CNTNAP2: variants seen among roughly 807,000 people sequenced by gnomAD.
The protein encoded by CNTNAP2 is contactin-associated protein-like 2.
Under a neutral mutation model 155.2 loss-of-function variants are expected in CNTNAP2, and 98 were observed. The ratio of observed to expected loss-of-function variants is 0.63; its 90% CI spans 0.54 to 0.75. The LOEUF is 0.75. Among genes scored for constraint, CNTNAP2 ranks in the 30% least tolerant of loss-of-function variants. The pLI, the probability that CNTNAP2 is intolerant of heterozygous loss-of-function variation, is 0.00. For missense variants in CNTNAP2, 1,727 were observed against 1,688.1 expected (o/e 1.02, Z -0.40); for synonymous variants, 651 against 631.2 (o/e 1.03, Z -0.47).
Position 147,509,337 on chromosome 7 carries a change from A to G in CNTNAP2, c.1777+23296A>G, listed in dbSNP as rs544573740. On this transcript the variant is annotated intron_variant, in intron 11 of 23. Coordinates refer to ENST00000361727, the MANE Select transcript of CNTNAP2 (RefSeq NM_014141.6). ...TCAAAAAATATCTTATTAACTTCTC[A>G]TACCAAAAAACAGGACAGGACTGAT... Among the ~76,000 whole-genome samples the G allele has an allele frequency of 2.7e-4, 41 of 152,344 alleles. 1 individual carries two copies. Among genetic ancestry groups the G allele is most frequent in the Middle Eastern group, 3.4e-3 (1 of 294 alleles).
chr7:147,723,981 C>T (rs2117030738), intron 13 of CNTNAP2, among the ~76,000 whole-genome samples: 1 of 152,014 alleles, frequency 6.6e-6, no homozygotes, highest in Non-Finnish European at 1.5e-5. Context: ...GTGATCTGCA[C>T]AGTGTATTTT....
chr7:146,323,341 A>G (rs577704421), intron 1 of CNTNAP2, among the ~76,000 whole-genome samples: 35 of 151,346 alleles, frequency 2.3e-4, no homozygotes, highest in South Asian at 1.1e-3. Flanking sequence ...AGAAAGTAAA[A>G]TCTTTGATCT....
chr7:147,513,293 C>T (rs1799053611), intron 11 of CNTNAP2, among the ~76,000 whole-genome samples: 1 of 151,876 alleles, frequency 6.6e-6, no homozygotes, highest in Non-Finnish European at 1.5e-5. Flanking sequence ...TGTCTAAATG[C>T]CCGAATGGAT....
chr7:147,338,118 G>A (rs1379578316), intron 9 of CNTNAP2, among the ~76,000 whole-genome samples: 1 of 152,122 alleles, frequency 6.6e-6, no homozygotes, highest in Non-Finnish European at 1.5e-5. Context: ...TCACAGTTCT[G>A]CATGGCTGGG....
At chr7:147,898,114 A>C (rs939488454) in intron 13 of CNTNAP2, among the ~76,000 whole-genome samples, 5 of 152,368 alleles carry the variant, frequency 3.3e-5, no homozygotes, top group African/African-American at 1.2e-4. Context: ...AGGGAAAATA[A>C]TAACTTCCAA....
At chr7:146,923,028 G>C (rs912356459) in intron 3 of CNTNAP2, among the ~76,000 whole-genome samples, 3 of 152,168 alleles carry the variant, frequency 2.0e-5, no homozygotes, top group Non-Finnish European at 4.4e-5. Flanking sequence ...TGATGTAGAA[G>C]GGTCTAGAAA....
intron 13 of CNTNAP2, among the ~76,000 whole-genome samples, chr7:147,772,166 C>CAGGCATGGTGGCTCCCAAAG (rs1797480206): frequency 6.6e-6 from 1 of 151,810 alleles, no homozygotes; most frequent in African/African-American, 2.4e-5. Context: ...TGGCTCACAC[C>CAGGCATGGTGGCTCCCAAAG]TGTAATCCCA....
intron 1 of CNTNAP2, among the ~76,000 whole-genome samples, chr7:146,235,813 G>C (rs565469451): frequency 1.3e-5 from 2 of 152,198 alleles, no homozygotes; most frequent in South Asian, 2.1e-4. Context: ...GTTGAAGGGA[G>C]CTGTTCTCCC....
intron 22 of CNTNAP2, among the ~76,000 whole-genome samples, chr7:148,392,934 G>A (rs910940783): frequency 9.2e-5 from 14 of 152,126 alleles, no homozygotes; most frequent in South Asian, 6.2e-4. Context: ...CAGGCTTCCC[G>A]TCACCACATC....
At chr7:147,224,215 G>A (rs551983121) in intron 8 of CNTNAP2, among the ~76,000 whole-genome samples, 1 of 152,164 alleles carries the variant, frequency 6.6e-6, no homozygotes, top group Non-Finnish European at 1.5e-5. Flanking sequence ...CTTTTTATGT[G>A]TTGTTAGAAT....
intron 18 of CNTNAP2, among the ~76,000 whole-genome samples, chr7:148,198,379 T>G (rs143289248): frequency 6.6e-6 from 1 of 152,242 alleles, no homozygotes; most frequent in Non-Finnish European, 1.5e-5. Context: ...CTGTGCAATC[T>G]TTAACTCATC....
intron 1 of CNTNAP2, among the ~76,000 whole-genome samples, chr7:146,545,839 A>G (rs1237509964): frequency 6.6e-6 from 1 of 151,990 alleles, no homozygotes; most frequent in Non-Finnish European, 1.5e-5. Flanking sequence ...GTATATACCC[A>G]AAGGATTATA....
intron 2 of CNTNAP2, among the ~76,000 whole-genome samples, chr7:146,800,782 C>T (rs981486705): frequency 6.6e-6 from 1 of 151,992 alleles, no homozygotes; most frequent in South Asian, 2.1e-4. Context: ...ACGAATTATA[C>T]TAGATATAAT....
At chr7:146,896,449 A>G (rs1795879781) in intron 3 of CNTNAP2, among the ~76,000 whole-genome samples, 1 of 151,844 alleles carries the variant, frequency 6.6e-6, no homozygotes, top group Admixed American at 6.6e-5. Context: ...GTGAATATCT[A>G]CCTCTACATT....
At chr7:147,881,515 C>T (rs138678365) in intron 13 of CNTNAP2, among the ~76,000 whole-genome samples, 14 of 152,192 alleles carry the variant, frequency 9.2e-5, no homozygotes, top group African/African-American at 3.1e-4. Context: ...GCTGAGTAGT[C>T]GTCGGTCTAG....
intron 10 of CNTNAP2, among the ~76,000 whole-genome samples, chr7:147,424,604 A>T (rs534512460): frequency 3.9e-5 from 6 of 152,032 alleles, no homozygotes; most frequent in African/African-American, 1.4e-4. Flanking sequence ...TCCCTAGGAG[A>T]TCTCATTCAA....
intron 21 of CNTNAP2, among the ~76,000 whole-genome samples, chr7:148,290,413 C>A (rs1157772155): frequency 6.6e-6 from 1 of 152,170 alleles, no homozygotes; most frequent in Admixed American, 6.5e-5. Flanking sequence ...TAAAATATTT[C>A]TCTATAATGC....
intron 13 of CNTNAP2, among the ~76,000 whole-genome samples, chr7:147,854,795 G>A (rs1424549269): frequency 1.3e-5 from 2 of 152,218 alleles, no homozygotes. Context: ...TTTCAGGTAT[G>A]TGCATCTACT....
At chr7:146,954,625 C>T (rs1187769689) in intron 3 of CNTNAP2, among the ~76,000 whole-genome samples, 1 of 151,684 alleles carries the variant, frequency 6.6e-6, no homozygotes, top group African/African-American at 2.4e-5. Flanking sequence ...TGTGCTTTTT[C>T]ACATTGTTTC....
Sources: gnomAD v4.1 joint callset for allele counts (sites outside exome capture counted in the v4.1 genomes callset) on GRCh38, gnomAD v4.1.1 for gene constraint, MANE v1.5 for transcripts, NCBI Gene and HGNC (gene_info 2026-07-23, HGNC 2026-07-21) for gene names.